The following TTLL5 variants were observed in gnomAD, a reference collection of about 807,000 sequenced individuals.
TTLL5 encodes tubulin tyrosine ligase like 5.
TTLL5 carries 132 observed loss-of-function variants against 168.4 expected under a neutral mutation model. The observed-to-expected ratio is 0.78, with a 90% confidence interval of 0.68 to 0.91. The LOEUF (loss-of-function observed/expected upper bound fraction) is 0.91. TTLL5 is among the 40% of genes least tolerant of loss of function. TTLL5 has a pLI of 0.00. For synonymous variants in TTLL5, 546 were observed against 558.6 expected (o/e 0.98, Z 0.32); for missense variants, 1,545 against 1,581.5 (o/e 0.98, Z 0.39).
At chr14:75,824,795 ATTAC>A (rs1895033178) in intron 28 of TTLL5, among the ~76,000 whole-genome samples, 1 of 152,020 alleles carries the variant, frequency 6.6e-6, no homozygotes, top group East Asian at 1.9e-4. Flanking sequence ...TTCCACAAAA[ATTAC>A]TTAGTGGCCA....
At chr14:75,823,165 A>G (rs1452802713) in intron 28 of TTLL5, among the ~76,000 whole-genome samples, 2 of 152,118 alleles carry the variant, frequency 1.3e-5, no homozygotes, top group African/African-American at 4.8e-5. Context: ...CCTTAAAGTG[A>G]TGTTTTCAGT....
intron 2 of TTLL5, among the ~76,000 whole-genome samples, chr14:75,666,238 T>C (rs1883249092): frequency 6.6e-6 from 1 of 152,276 alleles, no homozygotes; most frequent in Non-Finnish European, 1.5e-5. Context: ...TCCAAAGATG[T>C]ATATCCATGG....
intron 31 of TTLL5, among the ~76,000 whole-genome samples, chr14:75,953,721 A>G (rs945051871): frequency 4.6e-5 from 7 of 152,182 alleles, no homozygotes; most frequent in African/African-American, 1.7e-4. Flanking sequence ...ACATTGAGGG[A>G]AAATTTAGAA....
chr14:75,932,676 G>A (rs1420657038), intron 31 of TTLL5, among the ~76,000 whole-genome samples: 1 of 152,176 alleles, frequency 6.6e-6, no homozygotes, highest in African/African-American at 2.4e-5. Context: ...CTTAGTAGCT[G>A]TGCACTCTGA....
chr14:75,771,972 T>C (rs918981086), intron 21 of TTLL5, 118 bp downstream of exon 21: 1 of 1,165,992 alleles, frequency 8.6e-7, no homozygotes, highest in Non-Finnish European at 1.2e-6. Context: ...AGGATTATTA[T>C]GTAAGAAGGT....
At chr14:75,819,945 T>C in intron 27 of TTLL5, 62 bp from the exon 28 acceptor site, 1 of 1,529,982 alleles carries the variant, frequency 6.5e-7, no homozygotes, top group African/African-American at 1.4e-5. Flanking sequence ...TGCCTATATG[T>C]TGTTAATGAT....
At chr14:75,897,477 T>C (rs2032722983) in intron 30 of TTLL5, among the ~76,000 whole-genome samples, 1 of 152,148 alleles carries the variant, frequency 6.6e-6, no homozygotes, top group African/African-American at 2.4e-5. Flanking sequence ...TTTATTCATT[T>C]ATTTATTTAT....
intron 31 of TTLL5, among the ~76,000 whole-genome samples, chr14:75,949,495 A>T (rs973128152): frequency 1.3e-5 from 2 of 148,686 alleles, no homozygotes; most frequent in Non-Finnish European, 3.0e-5. Flanking sequence ...TATATATATA[A>T]AACCTTACCA....
At chr14:75,674,176 A>T (rs1238152424) in intron 3 of TTLL5, among the ~76,000 whole-genome samples, 1 of 152,210 alleles carries the variant, frequency 6.6e-6, no homozygotes, top group African/African-American at 2.4e-5. Flanking sequence ...AGAAAAAGCC[A>T]CCAAACTTTT....
At chr14:75,758,465 T>C (rs1486533135) in intron 18 of TTLL5, among the ~76,000 whole-genome samples, 1 of 152,216 alleles carries the variant, frequency 6.6e-6, no homozygotes, top group Non-Finnish European at 1.5e-5. Flanking sequence ...ATATGCTTCC[T>C]ATAACATACT....
chr14:75,896,229 C>CCG (rs111937984), intron 30 of TTLL5, among the ~76,000 whole-genome samples: 11 of 151,428 alleles, frequency 7.3e-5, no homozygotes, highest in African/African-American at 2.4e-4. Flanking sequence ...CAGCGTATAC[C>CCG]TGTGTGTGTG....
intron 27 of TTLL5, among the ~76,000 whole-genome samples, chr14:75,795,526 C>T (rs931401535): frequency 1.3e-5 from 2 of 152,050 alleles, no homozygotes; most frequent in Non-Finnish European, 2.9e-5. Flanking sequence ...CACCTATCAC[C>T]CAAGTAGTGT....
At chr14:75,684,735 A>G (rs925742565) in intron 5 of TTLL5, 6 of 152,228 alleles carry the variant, frequency 3.9e-5, no homozygotes, top group Admixed American at 2.6e-4. Context: ...GATATGATGT[A>G]AAAGACAAGT....
At chr14:75,906,533 G>C in intron 31 of TTLL5, 1 of 985,788 alleles carries the variant, frequency 1.0e-6, no homozygotes, top group South Asian at 4.7e-5. Context: ...GTTAAGTAGA[G>C]ATACTTTTTT....
At position 75,690,337 on chromosome 14, in the gene TTLL5, G is replaced by A; in HGVS notation, c.502+15G>A. ...GGAATTTTGTAGTAAGTGCTTGACA[G>A]AGAATGCCCCAGTCCCCAGCAACTG... is the stretch of plus-strand genomic sequence containing the variant. On this transcript the variant is annotated intron_variant, in intron 6 of 31. Coordinates refer to ENST00000298832, the MANE Select transcript of TTLL5 (RefSeq NM_015072.5). The A allele has an allele frequency of 2.5e-6, 4 of 1,593,340 alleles. No individual in the cohort carries two copies. The highest frequency in any genetic ancestry group is 3.4e-6 in the Non-Finnish European group (4 of 1,171,810).
intron 12 of TTLL5, among the ~76,000 whole-genome samples, chr14:75,723,249 C>G (rs1287695989): frequency 6.6e-6 from 1 of 152,134 alleles, no homozygotes; most frequent in African/African-American, 2.4e-5. Context: ...GCCACCATAC[C>G]CAGTTGCATG....
intron 29 of TTLL5, among the ~76,000 whole-genome samples, chr14:75,869,408 A>G (rs1286867606): frequency 1.3e-5 from 2 of 152,230 alleles, no homozygotes; most frequent in Non-Finnish European, 2.9e-5. Context: ...GACTTAAGAC[A>G]GGTTATTCAA....
rs767367069 is a variant in TTLL5, at chr14:75,775,609, C to G, written c.2262C>G (p.Asp754Glu). The stretch of plus-strand genomic sequence containing the variant: ...GAATCCTGGCCCACCAGCTGGGTGA[C>G]TTTATCATTGTATACAACAAGGTAA... ...RRRILAHQLG[D>E]FIIVYNKETE... The change falls in exon 22 of 32, where the codon GAC (aspartate) becomes GAG (glutamate). Residue 754 changes from aspartate to glutamate, a missense_variant. Asp to Glu is a conservative substitution (Grantham distance 45, BLOSUM62 2). Coordinates refer to ENST00000298832, the MANE Select transcript of TTLL5 (RefSeq NM_015072.5). 6.2e-7 allele frequency: 1 copy of G among 1,613,944 alleles called. No homozygotes were observed. The highest frequency in any genetic ancestry group is 1.3e-5 in the African/African-American group (1 of 74,892).
chr14:75,748,655 A>G (rs1186132753), intron 17 of TTLL5, among the ~76,000 whole-genome samples: 1 of 152,244 alleles, frequency 6.6e-6, no homozygotes, highest in Non-Finnish European at 1.5e-5. Context: ...GTTAAGCTTT[A>G]AAAGGTAATG....
Sources: allele counts gnomAD v4.1 joint callset (sites outside exome capture counted in the v4.1 genomes callset), GRCh38; gene constraint gnomAD v4.1.1; transcripts MANE v1.5; gene names NCBI Gene and HGNC (gene_info 2026-07-23, HGNC 2026-07-21).